ADCY9: variants seen among roughly 807,000 people sequenced by gnomAD.
The protein encoded by ADCY9 is adenylate cyclase 9, also known as adenylate cyclase type 9.
ADCY9 carries 50 observed loss-of-function variants against 101.5 expected under a neutral mutation model. The ratio of observed to expected loss-of-function variants is 0.49; its 90% CI spans 0.39 to 0.62. ADCY9 has a LOEUF of 0.62. Among genes scored for constraint, ADCY9 ranks in the 20% least tolerant of loss-of-function variants. The pLI is 0.00. For missense variants in ADCY9, 1,662 were observed against 1,800.4 expected, an observed-to-expected ratio of 0.92 and a Z score of 1.39; for synonymous variants, 905 against 769.3, an observed-to-expected ratio of 1.18 and a Z score of -2.92.
At chr16:4,104,858 GC>G (rs2057065875) in intron 2 of ADCY9, among the ~76,000 whole-genome samples, 1 of 152,018 alleles carries the variant, frequency 6.6e-6, no homozygotes, top group Admixed American at 6.6e-5. Context: ...AAAAACCTCA[GC>G]CGTGGGTCGG....
At chr16:4,010,250 G>A (rs746916631) in intron 2 of ADCY9, among the ~76,000 whole-genome samples, 4 of 152,214 alleles carry the variant, frequency 2.6e-5, no homozygotes, top group Non-Finnish European at 5.9e-5. Flanking sequence ...TGCTCCCTGT[G>A]TGGCTCCGGG....
chr16:4,071,474 G>A (rs2056834492), intron 2 of ADCY9, among the ~76,000 whole-genome samples: 2 of 151,932 alleles, frequency 1.3e-5, no homozygotes, highest in African/African-American at 4.8e-5. Flanking sequence ...GGTCCGTATG[G>A]TGGATCACAA....
chr16:4,012,717 T>C (rs1486480796), intron 2 of ADCY9, among the ~76,000 whole-genome samples: 2 of 152,206 alleles, frequency 1.3e-5, no homozygotes, highest in African/African-American at 4.8e-5. Flanking sequence ...TTAACGTTCT[T>C]AAGTATTCTT....
In ADCY9 at chr16:3,981,371, C is replaced by T. The variant is rs868267861; in HGVS notation, c.2519+1861G>A. On this transcript the variant is annotated intron_variant, in intron 7 of 10. Transcript: ENST00000294016. ...AATGCTGGCCTCAGAGCCCTCAAGA[C>T]GCTACAGCTACCCACATTAGAGGAA... Among the ~76,000 whole-genome samples the T allele has an allele frequency of 7.2e-5, 11 of 152,302 alleles. No individual in the cohort carries two copies. In the South Asian group the frequency reaches 1.9e-3, roughly 26 times the overall value.
Position 3,966,109 on chromosome 16 carries a change from G to A in ADCY9, c.3728C>T (p.Pro1243Leu). 1 of 1,614,232 alleles carries A rather than the reference G, an allele frequency of 6.2e-7. No homozygotes were observed. The highest frequency in any genetic ancestry group is 8.5e-7 in the Non-Finnish European group (1 of 1,180,050). Reference sequence around the variant, plus strand: ...GATGACCCTGTGATCCGTGCACTTTGGGTACAGGTAGGTCTTCATCTGGCC... The same window carrying A: ...GATGACCCTGTGATCCGTGCACTTTAGGTACAGGTAGGTCTTCATCTGGCC... ...GKGQMKTYLY[P>L]KCTDHRVIPQ... Residue 1243 changes from proline to leucine, a missense_variant, in exon 11 of 11, where the codon CCA becomes CTA. Pro to Leu is a moderately conservative substitution (Grantham distance 98, BLOSUM62 -3). Around this residue, in one of 5 missense-constraint regions of ADCY9, gnomAD observed 168 missense variants for 155.3 expected, o/e 1.08. Transcript: ENST00000294016.
At chr16:3,955,537 G>GGTTT (rs34842697) in intron 5 of ADCY9, among the ~76,000 whole-genome samples, 7,205 of 152,064 alleles carry the variant, frequency 0.047, 187 homozygotes, top group Non-Finnish European at 0.058. Context: ...CCTTCATTTA[G>GGTTT]GTTTGTTTGT....
chr16:4,088,417 G>C (rs918820114), intron 2 of ADCY9, among the ~76,000 whole-genome samples: 4 of 151,812 alleles, frequency 2.6e-5, no homozygotes, highest in African/African-American at 7.3e-5. Context: ...TCAGCCTCCA[G>C]AGTAGTTGGG....
rs975905315 is a variant in ADCY9 at position 3,965,675 on chromosome 16, C to G, written c.*100G>C. ...TGAAATGACCACATAACACCACGTC[C>G]GGGGAGGGCAACTGTGGCGCTTGGA... On this transcript the variant is annotated 3_prime_UTR_variant, in exon 11 of 11. Transcript: ENST00000294016. 9.1e-7 allele frequency: 1 copy of G among 1,099,902 alleles called. No individual in the cohort carries two copies. The highest frequency in any genetic ancestry group is 1.3e-6 in the Non-Finnish European group (1 of 763,576). The allele number at this position is 1,099,902 out of a possible 1,614,324, so 68.1% of individuals were successfully genotyped here.
intron 2 of ADCY9, among the ~76,000 whole-genome samples, chr16:4,048,489 T>C (rs956681298): frequency 2.0e-5 from 3 of 152,156 alleles, no homozygotes; most frequent in African/African-American, 7.2e-5. Context: ...AAATGGAGTT[T>C]ATTATGAAAA....
At chr16:4,001,757 T>A (rs34971636) in intron 3 of ADCY9, among the ~76,000 whole-genome samples, 7,996 of 138,552 alleles carry the variant, frequency 0.058, 279 homozygotes, top group Non-Finnish European at 0.091. Flanking sequence ...TTTTTATTGT[T>A]TTTTTTTTTT....
intron 7 of ADCY9, among the ~76,000 whole-genome samples, chr16:3,981,414 G>C (rs1034983126): frequency 6.6e-6 from 1 of 152,228 alleles, no homozygotes; most frequent in African/African-American, 2.4e-5. Context: ...GGGTGGACCA[G>C]GGAAGGCAGA....
At chr16:4,084,175 A>G (rs1479092494) in intron 2 of ADCY9, among the ~76,000 whole-genome samples, 1 of 152,042 alleles carries the variant, frequency 6.6e-6, no homozygotes, top group Non-Finnish European at 1.5e-5. Flanking sequence ...GCAGTGGCAC[A>G]ATCTCGGCTC....
Position 4,036,458 on chromosome 16 carries a change from G to GTT in ADCY9, c.1694-28902_1694-28901dup, listed in dbSNP as rs1435860285. ...ACAATACATTTTGGTTTTGGGGTTTGTTTGTTTTTTTTTTTTTTTTTTTTG... is the reference window on the plus strand; with the variant it reads ...ACAATACATTTTGGTTTTGGGGTTTGTTTTTGTTTTTTTTTTTTTTTTTTTTG... On this transcript the variant is annotated intron_variant, in intron 2 of 10. Coordinates refer to ENST00000294016, the MANE Select transcript of ADCY9 (RefSeq NM_001116.4). 5.0e-3 allele frequency among the ~76,000 whole-genome samples: 422 copies of GTT among 84,704 alleles called. 4 individuals carry two copies. Among genetic ancestry groups the GTT allele is most frequent in the African/African-American group, 0.015 (397 of 26,950 alleles). 55.6% of individuals were successfully genotyped at this position (84,704 alleles called of 152,430 possible). A position where few individuals can be genotyped will look rare whatever the true frequency, so the allele number is the denominator to read the frequency against.
intron 2 of ADCY9, among the ~76,000 whole-genome samples, chr16:4,046,813 T>G (rs2056667992): frequency 1.3e-5 from 2 of 151,954 alleles, no homozygotes; most frequent in South Asian, 4.1e-4. Flanking sequence ...GCAACATAAG[T>G]GAGACCCCGT....
At chr16:3,969,304 G>A (rs1345687198) in intron 10 of ADCY9, among the ~76,000 whole-genome samples, 1 of 151,530 alleles carries the variant, frequency 6.6e-6, no homozygotes, top group Non-Finnish European at 1.5e-5. Flanking sequence ...CTGGCATGCA[G>A]TGGTGTGATC....
chr16:3,984,426 G>A (rs773713562), intron 6 of ADCY9, among the ~76,000 whole-genome samples: 12 of 152,316 alleles, frequency 7.9e-5, no homozygotes, highest in South Asian at 6.2e-4. Context: ...GAGAAATAAC[G>A]ATGCTGACAC....
At chr16:4,112,536 T>C (rs1443274689) in intron 2 of ADCY9, among the ~76,000 whole-genome samples, 1 of 152,040 alleles carries the variant, frequency 6.6e-6, no homozygotes, top group Non-Finnish European at 1.5e-5. Context: ...CCTCAACCAC[T>C]GGACGTCTCT....
intron 2 of ADCY9, among the ~76,000 whole-genome samples, chr16:4,104,120 T>C (rs367670504): frequency 1.3e-5 from 2 of 152,186 alleles, no homozygotes; most frequent in African/African-American, 4.8e-5. Flanking sequence ...AGACCATTCC[T>C]GGGAATATGA....
intron 10 of ADCY9, among the ~76,000 whole-genome samples, chr16:3,970,664 T>A (rs940711559): frequency 6.6e-6 from 1 of 152,184 alleles, no homozygotes; most frequent in Non-Finnish European, 1.5e-5. Context: ...TCTAATAAGT[T>A]TCACTAACTG....
Sources: gnomAD v4.1 joint callset for allele counts (sites outside exome capture counted in the v4.1 genomes callset) on GRCh38, gnomAD v4.1.1 for gene constraint, gnomAD v4.1.1 regional missense constraint, MANE v1.5 for transcripts, NCBI Gene and HGNC (gene_info 2026-07-23, HGNC 2026-07-21) for gene names.